Variants in CSMD3 observed in about 807,000 individuals in gnomAD.
CSMD3 encodes CUB and sushi domain-containing protein 3.
In CSMD3, 177 loss-of-function variants were observed where a neutral mutation model predicts 435.2. The observed-to-expected ratio is 0.41, with a 90% CI of 0.36 to 0.46. CSMD3 has a LOEUF of 0.46. Ranked by LOEUF, CSMD3 falls within the 20% of genes least tolerant of loss-of-function variation. The pLI is 0.34. For missense variants in CSMD3, 4,265 were observed against 4,504.6 expected (o/e 0.95, Z 1.52); for synonymous variants, 1,656 against 1,520.5 (o/e 1.09, Z -2.07).
At chr8:112,310,158 T>C (rs1216580716) in intron 50 of CSMD3, 1 of 152,234 alleles carries the variant, frequency 6.6e-6, no homozygotes, top group Non-Finnish European at 1.5e-5. Context: ...TCTTTATGAC[T>C]ATGACTACAC....
chr8:112,985,200 G>T (rs2085210660), intron 6 of CSMD3, among the ~76,000 whole-genome samples: 1 of 152,110 alleles, frequency 6.6e-6, no homozygotes, highest in Non-Finnish European at 1.5e-5. Flanking sequence ...TAGTTGAAGA[G>T]ACATTGGCAT....
At chr8:112,403,673 C>T (rs73328608) in intron 35 of CSMD3, among the ~76,000 whole-genome samples, 8,001 of 151,928 alleles carry the variant, frequency 0.053, 247 homozygotes, top group East Asian at 0.12. Flanking sequence ...AGGGTAGAGC[C>T]CCCGAGACCT....
At chr8:112,632,338 T>C (rs933253344) in intron 22 of CSMD3, among the ~76,000 whole-genome samples, 4 of 152,068 alleles carry the variant, frequency 2.6e-5, no homozygotes, top group African/African-American at 9.7e-5. Context: ...ATCATTTTTA[T>C]CATTTGACTC....
At position 113,419,670 on chromosome 8, in the gene CSMD3, C is replaced by T. The variant is rs190103389; in HGVS notation, c.178+17007G>A. The stretch of plus-strand genomic sequence containing the variant: ...TCAAATCATAATTTTATCAGGAATT[C>T]AATCTATTCTTTCTCAGAGAAGTTC... On this transcript the variant is annotated intron_variant, in intron 1 of 70. Coordinates refer to ENST00000297405, the MANE Select transcript of CSMD3 (RefSeq NM_198123.2). Among the ~76,000 whole-genome samples, 18 of 152,226 alleles carry T rather than the reference C, an allele frequency of 1.2e-4. No homozygotes were observed. The East Asian group carries it at 1.9e-3, about 16-fold the overall frequency.
chr8:113,143,596 T>C (rs896961725), intron 4 of CSMD3, among the ~76,000 whole-genome samples: 1 of 151,408 alleles, frequency 6.6e-6, no homozygotes, highest in African/African-American at 2.4e-5. Context: ...TACATTCATG[T>C]CATCAAATGC....
intron 2 of CSMD3, among the ~76,000 whole-genome samples, chr8:113,281,290 G>T (rs1760893977): frequency 6.6e-6 from 1 of 151,588 alleles, no homozygotes; most frequent in Non-Finnish European, 1.5e-5. Flanking sequence ...CTATTATTTT[G>T]TTGCTGTCTA....
chr8:112,539,513 T>A (rs1266504780), intron 27 of CSMD3, among the ~76,000 whole-genome samples: 2 of 152,118 alleles, frequency 1.3e-5, no homozygotes, highest in African/African-American at 4.8e-5. Context: ...GCTATCTGGC[T>A]TTAAAATATA....
chr8:113,376,870 T>C, intron 1 of CSMD3: 9 of 1,610,422 alleles, frequency 5.6e-6, no homozygotes, highest in Non-Finnish European at 7.6e-6. Context: ...CCGGATGATC[T>C]GGAAGATGAA....
intron 40 of CSMD3, among the ~76,000 whole-genome samples, chr8:112,349,534 T>C (rs781415352): frequency 6.6e-6 from 1 of 152,126 alleles, no homozygotes; most frequent in Non-Finnish European, 1.5e-5. Flanking sequence ...TATTTTACTC[T>C]TTGTGCTCTT....
At chr8:112,342,467 TG>T (rs1182657659) in intron 41 of CSMD3, among the ~76,000 whole-genome samples, 1 of 152,118 alleles carries the variant, frequency 6.6e-6, no homozygotes, top group Non-Finnish European at 1.5e-5. Flanking sequence ...ATCTGATATT[TG>T]GTGAAAGTTT....
Position 112,673,694 on chromosome 8 carries a change from G to C in CSMD3, c.2678-7279C>G, listed in dbSNP as rs140414165. 5.8e-3 allele frequency among the ~76,000 whole-genome samples: 886 copies of C among 152,144 alleles called. 5 individuals carry two copies. Among genetic ancestry groups the C allele is most frequent in the African/African-American group, 0.019 (796 of 41,530 alleles). ...CTGAGACTAATTGAGATTCAAGAGA[G>C]AACCTCTTACCCTCAAAGGGAAAGT... On this transcript the variant is annotated intron_variant, in intron 16 of 70. Coordinates refer to ENST00000297405, the MANE Select transcript of CSMD3 (RefSeq NM_198123.2).
intron 13 of CSMD3, among the ~76,000 whole-genome samples, chr8:112,704,201 G>A (rs1036868642): frequency 2.7e-5 from 4 of 150,750 alleles, no homozygotes; most frequent in Admixed American, 6.6e-5. Flanking sequence ...ACTTGGTTTC[G>A]AACTCCTGAC....
At chr8:112,551,611 T>G (rs1563692735) in intron 26 of CSMD3, among the ~76,000 whole-genome samples, 1 of 152,124 alleles carries the variant, frequency 6.6e-6, no homozygotes, top group South Asian at 2.1e-4. Flanking sequence ...GTGAATTTAT[T>G]ACTTTCAAGT....
At chr8:113,126,591 G>A (rs2204094) in intron 4 of CSMD3, among the ~76,000 whole-genome samples, 22,947 of 151,710 alleles carry the variant, frequency 0.15, 3,361 homozygotes, top group African/African-American at 0.38. Flanking sequence ...TTTGATGAGA[G>A]AATACAATTT....
chr8:112,877,082 C>T (rs2081304785), intron 10 of CSMD3, among the ~76,000 whole-genome samples: 1 of 152,048 alleles, frequency 6.6e-6, no homozygotes, highest in African/African-American at 2.4e-5. Flanking sequence ...AGGAGAACTA[C>T]AAACCACTGC....
intron 32 of CSMD3, among the ~76,000 whole-genome samples, chr8:112,468,256 T>A (rs974247089): frequency 6.4e-5 from 8 of 124,294 alleles, no homozygotes; most frequent in African/African-American, 1.7e-4. Context: ...TTTTTTTTTT[T>A]ACCAATTGAT....
intron 11 of CSMD3, among the ~76,000 whole-genome samples, chr8:112,848,736 A>G (rs909827765): frequency 6.6e-6 from 1 of 152,068 alleles, no homozygotes; most frequent in Non-Finnish European, 1.5e-5. Flanking sequence ...GAAAACTGAG[A>G]TTCAGAGAGG....
At chr8:112,255,901 A>C (rs896722065) in intron 61 of CSMD3, 1 of 154,788 alleles carries the variant, frequency 6.5e-6, no homozygotes, top group Non-Finnish European at 1.4e-5. Flanking sequence ...TACCCTGTAT[A>C]CTTTGAATAC....
intron 4 of CSMD3, among the ~76,000 whole-genome samples, chr8:113,101,814 T>A (rs1048584844): frequency 3.9e-5 from 6 of 152,074 alleles, no homozygotes; most frequent in African/African-American, 1.2e-4. Context: ...AGAATCAGTA[T>A]CTGACAAAAT....
Sources: allele counts gnomAD v4.1 joint callset (sites outside exome capture counted in the v4.1 genomes callset), GRCh38; gene constraint gnomAD v4.1.1; transcripts MANE v1.5; gene names NCBI Gene and HGNC (gene_info 2026-07-23, HGNC 2026-07-21).